Variants in EEFSEC observed in about 807,000 individuals in gnomAD.
EEFSEC encodes selenocysteine-specific elongation factor.
Under a neutral mutation model 42.1 loss-of-function variants are expected in EEFSEC, and 43 were observed. The ratio of observed to expected loss-of-function variants is 1.02; its 90% CI spans 0.80 to 1.32. EEFSEC has a LOEUF of 1.32. EEFSEC is among the 40% of genes most tolerant of loss of function. The pLI is 0.00. For missense variants in EEFSEC, 745 were observed against 803.6 expected (o/e 0.93, Z 0.88); for synonymous variants, 354 against 339.1 (o/e 1.04, Z -0.48).
chr3:128,293,809 A>G (rs562568941), intron 4 of EEFSEC, among the ~76,000 whole-genome samples: 1 of 152,258 alleles, frequency 6.6e-6, no homozygotes, highest in African/African-American at 2.4e-5. Context: ...TCTGAGCCTT[A>G]GTTAATTTTT....
intron 4 of EEFSEC, among the ~76,000 whole-genome samples, chr3:128,276,407 T>C (rs1402359760): frequency 6.6e-6 from 1 of 152,194 alleles, no homozygotes; most frequent in Non-Finnish European, 1.5e-5. Context: ...GGTTGGACTC[T>C]GAAGTTAGAC....
At chr3:128,311,825 T>C (rs983501246) in intron 4 of EEFSEC, among the ~76,000 whole-genome samples, 2 of 152,198 alleles carry the variant, frequency 1.3e-5, no homozygotes, top group Non-Finnish European at 2.9e-5. Context: ...CTCTTAGAAA[T>C]ATTTCAAAAT....
intron 4 of EEFSEC, among the ~76,000 whole-genome samples, chr3:128,301,737 G>T (rs896259872): frequency 3.3e-5 from 5 of 152,168 alleles, no homozygotes; most frequent in Admixed American, 1.3e-4. Flanking sequence ...GAAGTCCTGA[G>T]GGGTGAGCCT....
intron 6 of EEFSEC, among the ~76,000 whole-genome samples, chr3:128,379,682 C>T (rs774356693): frequency 2.6e-5 from 4 of 152,114 alleles, no homozygotes; most frequent in African/African-American, 7.2e-5. Context: ...TCTTTCCTTG[C>T]GGCAATCGGA....
chr3:128,241,369 C>G (rs1484315650), intron 1 of EEFSEC, among the ~76,000 whole-genome samples: 1 of 152,004 alleles, frequency 6.6e-6, no homozygotes, highest in East Asian at 1.9e-4. Flanking sequence ...ACCACTATGC[C>G]TAGCTAATTT....
intron 1 of EEFSEC, among the ~76,000 whole-genome samples, chr3:128,178,215 ACT>A (rs2065370897): frequency 6.6e-6 from 1 of 152,040 alleles, no homozygotes; most frequent in Non-Finnish European, 1.5e-5. Context: ...GCCTTAAAAG[ACT>A]CTCTTTTAGG....
At chr3:128,216,181 C>T (rs762475688) in intron 1 of EEFSEC, among the ~76,000 whole-genome samples, 2 of 152,298 alleles carry the variant, frequency 1.3e-5, no homozygotes, top group Middle Eastern at 3.4e-3. Context: ...GCTCAGGAAA[C>T]TGTTGATAAA....
rs1014881781 is a variant in EEFSEC at position 128,312,107 on chromosome 3, C to A, written c.787-29126C>A. On this transcript the variant is annotated intron_variant, in intron 4 of 6. Transcript: ENST00000254730. ...TCCACCTCTGATGGATTGGCTGTAC[C>A]GTCAAGAGTTCCATGTTGAGAAGAT... Among the ~76,000 whole-genome samples, 3 of 152,290 alleles carry A rather than the reference C, an allele frequency of 2.0e-5. No homozygotes were observed. The South Asian group carries it at 6.2e-4, about 32-fold the overall frequency.
At chr3:128,350,806 G>C (rs1222652684) in intron 5 of EEFSEC, among the ~76,000 whole-genome samples, 1 of 152,176 alleles carries the variant, frequency 6.6e-6, no homozygotes, top group Non-Finnish European at 1.5e-5. Flanking sequence ...TTTAAGAGCT[G>C]GTCAGGCGTT....
chr3:128,155,289 AT>A (rs1944358022), intron 1 of EEFSEC, among the ~76,000 whole-genome samples: 1 of 151,860 alleles, frequency 6.6e-6, no homozygotes, highest in African/African-American at 2.4e-5. Flanking sequence ...TAATTTTTAT[AT>A]TTTTAGTAGA....
At chr3:128,240,158 A>G (rs1364111453) in intron 1 of EEFSEC, among the ~76,000 whole-genome samples, 1 of 151,454 alleles carries the variant, frequency 6.6e-6, no homozygotes, top group East Asian at 1.9e-4. Context: ...CCCTTCCCCA[A>G]CTCCATCAGC....
intron 4 of EEFSEC, among the ~76,000 whole-genome samples, chr3:128,325,370 T>C (rs2067053104): frequency 6.6e-6 from 1 of 152,234 alleles, no homozygotes; most frequent in African/African-American, 2.4e-5. Flanking sequence ...CTTGCTGGGC[T>C]TGGGTCTGAG....
intron 2 of EEFSEC, among the ~76,000 whole-genome samples, chr3:128,253,828 G>A (rs1386618608): frequency 1.3e-5 from 2 of 152,150 alleles, no homozygotes; most frequent in East Asian, 3.8e-4. Context: ...TGGGTCTGTG[G>A]CCCTCTTTGG....
intron 6 of EEFSEC, among the ~76,000 whole-genome samples, chr3:128,392,014 C>T (rs948148762): frequency 3.9e-5 from 6 of 152,202 alleles, no homozygotes; most frequent in African/African-American, 1.4e-4. Context: ...CCTGTCTTTG[C>T]GGAGAGCATG....
chr3:128,291,505 G>A (rs1037966075), intron 4 of EEFSEC, among the ~76,000 whole-genome samples: 3 of 152,270 alleles, frequency 2.0e-5, no homozygotes, highest in South Asian at 4.2e-4. Flanking sequence ...CAAGATGCCA[G>A]CACCTTGATA....
intron 1 of EEFSEC, among the ~76,000 whole-genome samples, chr3:128,168,770 C>T (rs910937963): frequency 2.6e-5 from 4 of 152,248 alleles, no homozygotes; most frequent in African/African-American, 9.6e-5. Flanking sequence ...CCCCAGGCAT[C>T]TCCTTGCTGG....
chr3:128,195,886 A>G (rs2065579625), intron 1 of EEFSEC, among the ~76,000 whole-genome samples: 1 of 152,224 alleles, frequency 6.6e-6, no homozygotes, highest in Non-Finnish European at 1.5e-5. Context: ...CAGAACGCAT[A>G]TAACTATTTC....
chr3:128,301,052 C>T (rs529010231), intron 4 of EEFSEC, among the ~76,000 whole-genome samples: 1 of 152,282 alleles, frequency 6.6e-6, no homozygotes, highest in South Asian at 2.1e-4. Flanking sequence ...CTCAAACAAG[C>T]TCCATCGATG....
intron 6 of EEFSEC, among the ~76,000 whole-genome samples, chr3:128,407,531 G>A (rs2068131753): frequency 3.9e-5 from 6 of 152,158 alleles, no homozygotes; most frequent in Admixed American, 3.9e-4. Flanking sequence ...TCCCACTGAG[G>A]GCAGGTGGGG....
Sources: gnomAD v4.1 joint callset for allele counts (sites outside exome capture counted in the v4.1 genomes callset) on GRCh38, gnomAD v4.1.1 for gene constraint, MANE v1.5 for transcripts, NCBI Gene and HGNC (gene_info 2026-07-23, HGNC 2026-07-21) for gene names.